SMG1: variants seen among roughly 807,000 people sequenced by gnomAD.
The protein encoded by SMG1 is SMG1 nonsense mediated mRNA decay associated PI3K related kinase.
In SMG1, 22 loss-of-function variants were observed where a neutral mutation model predicts 419.9. The observed-to-expected ratio is 0.05, with a 90% CI of 0.04 to 0.07. The LOEUF (loss-of-function observed/expected upper bound fraction) is 0.07, where lower values mean the gene tolerates loss of function less well. Ranked by LOEUF, SMG1 falls within the 10% of genes least tolerant of loss-of-function variation. The pLI, the probability that SMG1 is intolerant of heterozygous loss-of-function variation, is 1.00. For synonymous variants in SMG1, 1,538 were observed against 1,553.5 expected (o/e 0.99, Z 0.23); for missense variants, 3,185 against 4,342.0 (o/e 0.73, Z 7.49).
chr16:18,838,516 G>C, intron 43 of SMG1, 35 bp downstream of exon 43: 1 of 1,613,844 alleles, frequency 6.2e-7, no homozygotes. Flanking sequence ...AAAAACATTT[G>C]GCCCTCATAA....
intron 56 of SMG1, among the ~76,000 whole-genome samples, chr16:18,818,593 T>A (rs1178323845): frequency 6.6e-6 from 1 of 152,022 alleles, no homozygotes; most frequent in East Asian, 1.9e-4. Context: ...GATAAAATTA[T>A]GCACTATTTG....
chr16:18,919,124 C>T (rs1327761688), intron 1 of SMG1, among the ~76,000 whole-genome samples: 5 of 151,982 alleles, frequency 3.3e-5, no homozygotes, highest in African/African-American at 7.2e-5. Flanking sequence ...GTCAGAAGTT[C>T]GAGACCAGCC....
chr16:18,821,202 T>C (rs566892364), intron 55 of SMG1, among the ~76,000 whole-genome samples: 6 of 149,760 alleles, frequency 4.0e-5, no homozygotes, highest in African/African-American at 1.5e-4. Flanking sequence ...ATTAAAAACC[T>C]GAGATATTTA....
In SMG1 at chr16:18,835,056, A is replaced by T; in HGVS notation, c.8166T>A (p.Ile2722=). ...CCTGTTTCAAGCGTTCCACTTGTCT[A>T]ATAAGTCTGCTGTTGATGTCTGCTG... ...RYAADINSRL[I]RQVERLKQEA... Residue 2722 remains isoleucine (I), a synonymous_variant, in exon 49 of 63, where the codon ATT becomes ATA. Coordinates refer to ENST00000446231, the MANE Select transcript of SMG1 (RefSeq NM_015092.5). 6.2e-7 allele frequency: 1 copy of T among 1,614,014 alleles called. No homozygotes were observed. Among genetic ancestry groups the T allele is most frequent in the Non-Finnish European group, 8.5e-7 (1 of 1,179,878 alleles).
At position 18,835,125 on chromosome 16, in the gene SMG1, C is replaced by G. The variant is rs747122475; in HGVS notation, c.8097G>C (p.Val2699=). The part of the protein sequence containing the change: ...MQYAPQPPPT[V]CQFITATEMT... ...TTTCAGTGGCAGTGATGAACTGACA[C>G]ACTGTTGGGGGTGGCTGGGGAGCAT... The change falls in exon 49 of 63, where the codon GTG becomes GTC. Residue 2699 remains valine, a synonymous_variant. Transcript: ENST00000446231. 6.2e-7 allele frequency: 1 copy of G among 1,613,716 alleles called. No homozygotes were observed. The highest frequency in any genetic ancestry group is 1.1e-5 in the South Asian group (1 of 91,082).
At position 18,836,506 on chromosome 16, in the gene SMG1, G is replaced by A. The variant is rs1398621944; in HGVS notation, c.7631C>T (p.Thr2544Ile). The A allele has an allele frequency of 1.3e-5, 21 of 1,613,958 alleles. No individual in the cohort carries two copies. The highest frequency in any genetic ancestry group is 1.8e-5 in the Non-Finnish European group (21 of 1,179,878). ...TGCTTCCTGAACAGCTCTTTGCTGA[G>A]TCTGTAGTTGGGTGTGCTCAGAATA... is the stretch of plus-strand genomic sequence containing the variant. ...HRYSEHTQLQ[T>I]QQRAVQEAIQ... Residue 2544 changes from threonine (T) to isoleucine (I), a missense_variant, in exon 47 of 63, where the codon ACT becomes ATT. Physicochemically the swap from Thr to Ile is moderately conservative, Grantham distance 89. This residue lies in a region of SMG1 where 412 missense variants were observed against 546.6 expected (regional missense o/e 0.75). Transcript: ENST00000446231.
chr16:18,877,270 A>G (rs1480420148), intron 11 of SMG1, 38 bp from the exon 12 acceptor site: 1 of 1,439,070 alleles, frequency 6.9e-7, no homozygotes, highest in East Asian at 2.5e-5. Flanking sequence ...AGCTTCTCCA[A>G]TTACAAAAAG....
rs781447869 is a variant in SMG1 at position 18,837,420 on chromosome 16, A to T, written c.7437T>A (p.Asp2479Glu). Reference sequence around the variant, plus strand: ...ACTTGGGAAGCACAACCAGCATCTCATCTCTATTCTTAAACCAGTTCACCT... The same window carrying T: ...ACTTGGGAAGCACAACCAGCATCTCTTCTCTATTCTTAAACCAGTTCACCT... ...EIKVNWFKNR[D>E]EMLVVLPKLD... Residue 2479 changes from aspartate to glutamate, a missense_variant, in exon 46 of 63, where the codon GAT (aspartate) becomes GAA (glutamate). Around this residue, in one of 27 missense-constraint regions of SMG1, gnomAD observed 412 missense variants for 546.6 expected, o/e 0.75. Coordinates refer to ENST00000446231, the MANE Select transcript of SMG1 (RefSeq NM_015092.5). 13 of 1,606,816 alleles carry T rather than the reference A, an allele frequency of 8.1e-6. No homozygotes were observed. The highest frequency in any genetic ancestry group is 1.1e-5 in the Non-Finnish European group (13 of 1,173,670).
chr16:18,867,293 G>T (rs2035564376), intron 22 of SMG1, among the ~76,000 whole-genome samples: 1 of 152,062 alleles, frequency 6.6e-6, no homozygotes, highest in Non-Finnish European at 1.5e-5. Flanking sequence ...CAGCACTTTG[G>T]AAGGCCGAGG....
At chr16:18,827,667 T>A (rs1423000029) in intron 55 of SMG1, among the ~76,000 whole-genome samples, 1 of 144,536 alleles carries the variant, frequency 6.9e-6, no homozygotes, top group Non-Finnish European at 1.5e-5. Flanking sequence ...ATATATATTT[T>A]TATATATATT....
At position 18,834,243 on chromosome 16, in the gene SMG1, C is replaced by T. The variant is rs1352337413; in HGVS notation, c.8526G>A (p.Glu2842=). The T allele has an allele frequency of 6.2e-7, 1 of 1,606,640 alleles. No homozygotes were observed. The highest frequency in any genetic ancestry group is 1.7e-4 in the Middle Eastern group (1 of 6,046). The change falls in exon 50 of 63, where the codon GAG becomes GAA. Residue 2842 remains glutamate, a synonymous_variant. Transcript: ENST00000446231. ...LDIPNPMEAS[E]TVHLANGVYT... is the part of the protein sequence containing the mutation. ...ACACTCCATTGGCTAAGTGAACTGT[C>T]TCAGACGCTTCCATGGGGTTCGGGA... is the stretch of plus-strand genomic sequence containing the variant.
rs547669437 is a variant in SMG1 at position 18,908,659 on chromosome 16, C to A, written c.93-11703G>T. Among the ~76,000 whole-genome samples, 7 of 151,752 alleles carry A rather than the reference C, an allele frequency of 4.6e-5. No individual in the cohort carries two copies. In the East Asian group the frequency reaches 1.2e-3, roughly 26 times the overall value. ...CTTTGGGAGGCCAAGGCGGGAGGATCTCAAGGTCAGGAGATCAAGACCATC... is the reference window on the plus strand; with the variant it reads ...CTTTGGGAGGCCAAGGCGGGAGGATATCAAGGTCAGGAGATCAAGACCATC... On this transcript the variant is annotated intron_variant, in intron 1 of 62. Coordinates refer to ENST00000446231, the MANE Select transcript of SMG1 (RefSeq NM_015092.5).
At chr16:18,877,533 C>T (rs1204098214) in intron 11 of SMG1, 2 of 217,166 alleles carry the variant, frequency 9.2e-6, no homozygotes, top group Non-Finnish European at 1.9e-5. Context: ...ATAGGGGATA[C>T]ATGTCATTAC....
intron 50 of SMG1, 70 bp downstream of exon 50, chr16:18,834,134 G>C (rs1303661882): frequency 6.0e-6 from 7 of 1,169,304 alleles, no homozygotes; most frequent in Middle Eastern, 2.9e-4. Flanking sequence ...TTGCTTTCCT[G>C]GGTTAAAGAG....
chr16:18,811,652 A>G, intron 62 of SMG1, 109 bp downstream of exon 62: 2 of 1,001,542 alleles, frequency 2.0e-6, no homozygotes, highest in South Asian at 2.9e-5. Context: ...CTGAAAACAC[A>G]TTTAAGTTCC....
chr16:18,875,318 T>C (rs2141650132), intron 13 of SMG1: 1 of 152,714 alleles, frequency 6.5e-6, no homozygotes, highest in East Asian at 1.9e-4. Flanking sequence ...CGGCTGGGCA[T>C]GGTGGTGCCC....
Position 18,892,294 on chromosome 16 carries a change from C to A in SMG1, c.473G>T (p.Arg158Leu). Reference protein sequence around the residue: ...RLSNLLRRITREDDRDRRLAT... With the variant: ...RLSNLLRRITLEDDRDRRLAT... ...CAATCTTCGGTCTCTGTCGTCTTCC[C>A]GGGTGATCCTCCGAAGAAGATTCGA... The change falls in exon 4 of 63, where the codon CGG (arginine) becomes CTG (leucine). Residue 158 changes from arginine to leucine, a missense_variant. By Grantham distance (102) the Arg-to-Leu change is moderately radical. This residue lies in a region of SMG1 where 23 missense variants were observed against 20.5 expected (regional missense o/e 1.12). Coordinates refer to ENST00000446231, the MANE Select transcript of SMG1 (RefSeq NM_015092.5). The A allele has an allele frequency of 6.4e-7, 1 of 1,550,812 alleles. No individual in the cohort carries two copies. The highest frequency in any genetic ancestry group is 8.7e-7 in the Non-Finnish European group (1 of 1,146,962).
intron 2 of SMG1, among the ~76,000 whole-genome samples, chr16:18,896,449 A>T (rs1468525026): frequency 6.6e-6 from 1 of 152,192 alleles, no homozygotes; most frequent in Non-Finnish European, 1.5e-5. Flanking sequence ...AACTAAATTA[A>T]ATCAAATTTT....
chr16:18,815,980 G>T (rs1190340535), intron 58 of SMG1: 2 of 456,764 alleles, frequency 4.4e-6, no homozygotes, highest in Non-Finnish European at 7.7e-6. Context: ...GTATGGGTTT[G>T]TTGGTATAGC....
Sources: gnomAD v4.1 joint callset for allele counts (sites outside exome capture counted in the v4.1 genomes callset) on GRCh38, gnomAD v4.1.1 for gene constraint, gnomAD v4.1.1 regional missense constraint, MANE v1.5 for transcripts, NCBI Gene and HGNC (gene_info 2026-07-23, HGNC 2026-07-21) for gene names.